The following PTP4A3 variants were observed in gnomAD, a reference collection of about 807,000 sequenced individuals.
The protein encoded by PTP4A3 is protein tyrosine phosphatase type IVA 3.
In PTP4A3, 9 loss-of-function variants were observed where a neutral mutation model predicts 15.2. The observed-to-expected ratio is 0.59, with a 90% CI of 0.36 to 1.03. The LOEUF is 1.03. Among genes scored for constraint, PTP4A3 ranks in the 50% least tolerant of loss-of-function variants. The pLI is 0.02. For missense variants in PTP4A3, 234 were observed against 252.1 expected (o/e 0.93, Z 0.49); for synonymous variants, 95 against 102.0 (o/e 0.93, Z 0.41).
intron 1 of PTP4A3, among the ~76,000 whole-genome samples, chr8:141,401,840 C>T (rs900761940): frequency 2.0e-5 from 3 of 152,124 alleles, no homozygotes; most frequent in South Asian, 2.1e-4. Context: ...ATTTACCGAG[C>T]GCATCCATCT....
In PTP4A3 at chr8:141,431,245, C is replaced by T. The variant is rs1490400145; in HGVS notation, c.*201C>T. 4 of 592,136 alleles carry T rather than the reference C, an allele frequency of 6.8e-6. No individual in the cohort carries two copies. The highest frequency in any genetic ancestry group is 1.2e-5 in the Non-Finnish European group (4 of 335,006). The allele number at this position is 592,136 out of a possible 1,614,324, so 36.7% of individuals were successfully genotyped here. A position where few individuals can be genotyped will look rare whatever the true frequency, so the allele number is the denominator to read the frequency against. On this transcript the variant is annotated 3_prime_UTR_variant, in exon 6 of 6. Coordinates refer to ENST00000521578, the MANE Select transcript of PTP4A3 (RefSeq NM_032611.3). Reference sequence around the variant, plus strand: ...CTCGGGCCCTGGGTGGCCTCTGGGCCCTTTCTCCTGTCTCCGCCACTCCCT... The same window carrying T: ...CTCGGGCCCTGGGTGGCCTCTGGGCTCTTTCTCCTGTCTCCGCCACTCCCT...
chr8:141,418,347 G>C lies in PTP4A3; in HGVS notation c.-853-3041G>C, dbSNP rs764973945. On this transcript the variant is annotated intron_variant, in intron 1 of 5. Coordinates refer to ENST00000521578, the MANE Select transcript of PTP4A3 (RefSeq NM_032611.3). ...TAAGCTGCTGTGCCATCGGGAAGGA[G>C]GGCGGTAGCCTCCCTGAACCTCGAT... Among the ~76,000 whole-genome samples the C allele has an allele frequency of 7.9e-4, 121 of 152,380 alleles. 1 individual carries two copies. Among genetic ancestry groups the C allele is most frequent in the Admixed American group, 3.0e-3 (46 of 15,312 alleles).
In PTP4A3 at chr8:141,411,662, C is replaced by T. The variant is rs141372092; in HGVS notation, c.-853-9726C>T. Reference sequence around the variant, plus strand: ...GAGGCCAGGTCAGAGCTCTTTCCCGCGGTTCCTCAGGCCCCTCTGACGTGC... The same window carrying T: ...GAGGCCAGGTCAGAGCTCTTTCCCGTGGTTCCTCAGGCCCCTCTGACGTGC... On this transcript the variant is annotated intron_variant, in intron 1 of 5. Transcript: ENST00000521578. Among the ~76,000 whole-genome samples the T allele has an allele frequency of 5.1e-3, 774 of 152,336 alleles. 4 individuals are homozygous for T. Among genetic ancestry groups the T allele is most frequent in the Non-Finnish European group, 8.6e-3 (583 of 68,034 alleles).
At chr8:141,417,597 A>G (rs1833108681) in intron 1 of PTP4A3, among the ~76,000 whole-genome samples, 1 of 151,882 alleles carries the variant, frequency 6.6e-6, no homozygotes, top group East Asian at 2.0e-4. Context: ...GTGCAGCCCC[A>G]TGAGGGGGCC....
In PTP4A3 at chr8:141,425,246, C is replaced by G. The variant is rs1327990090; in HGVS notation, c.198+106C>G. The G allele has an allele frequency of 8.5e-7, 1 of 1,173,708 alleles. No individual in the cohort carries two copies. The highest frequency in any genetic ancestry group is 1.2e-6 in the Non-Finnish European group (1 of 825,546). The allele number at this position is 1,173,708 out of a possible 1,614,324, so 72.7% of individuals were successfully genotyped here. A position where few individuals can be genotyped will look rare whatever the true frequency, so the allele number is the denominator to read the frequency against. Reference sequence around the variant, plus strand: ...GGTTTGGTGCCCCTCCTGTGGCAGCCCTGGGCATGTCTGTGCCTGGGCCAC... The same window carrying G: ...GGTTTGGTGCCCCTCCTGTGGCAGCGCTGGGCATGTCTGTGCCTGGGCCAC... On this transcript the variant is annotated intron_variant, in intron 3 of 5. Transcript: ENST00000521578. The surrounding 1 kb of genome is among the most constrained non-coding windows in gnomAD (Gnocchi z 4.2).
chr8:141,404,642 G>T (rs1374315970), intron 1 of PTP4A3, among the ~76,000 whole-genome samples: 2 of 152,170 alleles, frequency 1.3e-5, no homozygotes. Flanking sequence ...CAGAATGGAC[G>T]GGTCCTTGGG....
At chr8:141,430,318 C>T (rs1330992352) in intron 5 of PTP4A3, among the ~76,000 whole-genome samples, 1 of 143,362 alleles carries the variant, frequency 7.0e-6, no homozygotes, top group African/African-American at 2.7e-5. Flanking sequence ...GTGGCGGGGA[C>T]AGGGTGAGCA....
intron 2 of PTP4A3, 59 bp downstream of exon 2, chr8:141,422,404 A>T: frequency 6.3e-7 from 1 of 1,589,228 alleles, no homozygotes. Flanking sequence ...AGCCCGGCTG[A>T]GCTGCCCTCA....
rs116551427 is a variant in PTP4A3 at position 141,396,620 on chromosome 8, A to G, written c.-854+4536A>G. ...AGCTGGCGCCAAGTGGAGCAGCTGC[A>G]CCACAGGCACACGGGGGACAAAGGG... On this transcript the variant is annotated intron_variant, in intron 1 of 5. Coordinates refer to ENST00000521578, the MANE Select transcript of PTP4A3 (RefSeq NM_032611.3). Among the ~76,000 whole-genome samples the G allele has an allele frequency of 3.1e-3, 476 of 152,254 alleles. 6 individuals carry two copies. The highest frequency in any genetic ancestry group is 0.011 in the African/African-American group (459 of 41,542).
chr8:141,418,092 C>G (rs890491042), intron 1 of PTP4A3, among the ~76,000 whole-genome samples: 6 of 152,036 alleles, frequency 3.9e-5, no homozygotes, highest in African/African-American at 1.4e-4. Flanking sequence ...GGAGGTGGCG[C>G]CCTCCGGAGG....
Position 141,431,294 on chromosome 8 carries a change from G to A in PTP4A3, c.*250G>A. ...CTCTGGCGGCGCTGGCCGTGGCTCT[G>A]TCTCTCTGAGGTGGGTCGGGCGCCC... On this transcript the variant is annotated 3_prime_UTR_variant, in exon 6 of 6. Transcript: ENST00000521578. 1.8e-6 allele frequency: 1 copy of A among 554,782 alleles called. No homozygotes were observed. The highest frequency in any genetic ancestry group is 3.2e-6 in the Non-Finnish European group (1 of 312,380). 34.4% of individuals were successfully genotyped at this position (554,782 alleles called of 1,614,324 possible).
At position 141,395,668 on chromosome 8, in the gene PTP4A3, G is replaced by A. The variant is rs1280217594; in HGVS notation, c.-854+3584G>A. 1.2e-3 allele frequency among the ~76,000 whole-genome samples: 97 copies of A among 83,226 alleles called. 1 individual carries two copies. The highest frequency in any genetic ancestry group is 2.3e-3 in the African/African-American group (36 of 15,942). The allele number at this position is 83,226 out of a possible 152,430, so 54.6% of individuals were successfully genotyped here. ...TCCTGCAGCCCCCGTTCATCTACCT[G>A]GGGAAGGTGCGTGGGCCACCCCTCC... On this transcript the variant is annotated intron_variant, in intron 1 of 5. Coordinates refer to ENST00000521578, the MANE Select transcript of PTP4A3 (RefSeq NM_032611.3).
chr8:141,395,829 C>T (rs1274134279), intron 1 of PTP4A3, among the ~76,000 whole-genome samples: 1 of 151,934 alleles, frequency 6.6e-6, no homozygotes, highest in African/African-American at 2.4e-5. Flanking sequence ...GGGGTGCTCC[C>T]ATGCCCCCCG....
At position 141,431,053 on chromosome 8, in the gene PTP4A3, C is replaced by T; in HGVS notation, c.*9C>T. ...GGTGCTGCGTTATGTAGCTCAGGAC[C>T]TTGGCTGGGCCTGGTCGTCATGTAG... On this transcript the variant is annotated 3_prime_UTR_variant, in exon 6 of 6. Transcript: ENST00000521578. 6.2e-7 allele frequency: 1 copy of T among 1,612,476 alleles called. No homozygotes were observed. Among genetic ancestry groups the T allele is most frequent in the Middle Eastern group, 1.7e-4 (1 of 6,056 alleles).
intron 1 of PTP4A3, among the ~76,000 whole-genome samples, chr8:141,413,570 T>C (rs1172548856): frequency 6.6e-6 from 1 of 152,080 alleles, no homozygotes; most frequent in Non-Finnish European, 1.5e-5. Flanking sequence ...ATAACAGAGC[T>C]CTGGGGTGGG....
chr8:141,425,162 C>T lies in PTP4A3; in HGVS notation c.198+22C>T. The T allele has an allele frequency of 1.3e-6, 2 of 1,586,460 alleles. No individual in the cohort carries two copies. Among genetic ancestry groups the T allele is most frequent in the Non-Finnish European group, 1.7e-6 (2 of 1,157,830 alleles). On this transcript the variant is annotated intron_variant, in intron 3 of 5. Coordinates refer to ENST00000521578, the MANE Select transcript of PTP4A3 (RefSeq NM_032611.3). This position sits in a 1 kb window ranked among gnomAD's most constrained non-coding sequence, Gnocchi z 4.2. ...TGTGGTGAGGCGCGCGCCACGGGGA[C>T]CCTAGTCACTGCTGCCACCGGGGGA...
chr8:141,417,289 GA>G (rs1833092610), intron 1 of PTP4A3, among the ~76,000 whole-genome samples: 1 of 152,176 alleles, frequency 6.6e-6, no homozygotes, highest in Non-Finnish European at 1.5e-5. Context: ...AGTACGCTAG[GA>G]GAGACCAGCG....
Position 141,424,278 on chromosome 8 carries a change from C to T in PTP4A3, c.106-770C>T, listed in dbSNP as rs376127784. Reference sequence around the variant, plus strand: ...AGGTGGGGTGGGAACAGCCCCCGCACGTGACCCCTGTGGAGTGGATCCTCC... The same window carrying T: ...AGGTGGGGTGGGAACAGCCCCCGCATGTGACCCCTGTGGAGTGGATCCTCC... On this transcript the variant is annotated intron_variant, in intron 2 of 5. Transcript: ENST00000521578. Among the ~76,000 whole-genome samples, 448 of 152,302 alleles carry T rather than the reference C, an allele frequency of 2.9e-3. 4 individuals carry two copies. The highest frequency in any genetic ancestry group is 0.01 in the African/African-American group (431 of 41,564).
chr8:141,401,366 G>C lies in PTP4A3; in HGVS notation c.-854+9282G>C, dbSNP rs12675426. Among the ~76,000 whole-genome samples the C allele has an allele frequency of 1.5e-4, 23 of 152,280 alleles. No homozygotes were observed. The East Asian group carries it at 4.4e-3, about 29-fold the overall frequency. ...GAGAGACGGGAGTCTCTGGTGTGGA[G>C]GGGAGGGCACTGGGTTTGGTGGGCT... On this transcript the variant is annotated intron_variant, in intron 1 of 5. Transcript: ENST00000521578.
Sources: allele counts gnomAD v4.1 joint callset (sites outside exome capture counted in the v4.1 genomes callset), GRCh38; gene constraint gnomAD v4.1.1; non-coding constraint Gnocchi (gnomAD v3.1); transcripts MANE v1.5; gene names NCBI Gene and HGNC (gene_info 2026-07-23, HGNC 2026-07-21).